TTN: variants seen among roughly 807,000 people sequenced by gnomAD.
TTN encodes connectin.
In TTN, 1,525 loss-of-function variants were observed where a neutral mutation model predicts 3,223.0. The observed-to-expected ratio is 0.47, with a 90% confidence interval of 0.45 to 0.49. The LOEUF (loss-of-function observed/expected upper bound fraction) is 0.49. Ranked by LOEUF, TTN falls within the 20% of genes least tolerant of loss-of-function variation. The pLI, the probability that TTN is intolerant of heterozygous loss-of-function variation, is 0.00. For missense variants in TTN, 40,786 were observed against 43,424.0 expected, an observed-to-expected ratio of 0.94 and a Z score of 5.40; for synonymous variants, 14,094 against 15,161.0, an observed-to-expected ratio of 0.93 and a Z score of 5.17.
At position 178,669,621 on chromosome 2, in the gene TTN, A is replaced by C; in HGVS notation, c.35441T>G (p.Leu11814Arg). 6.2e-7 allele frequency: 1 copy of C among 1,612,522 alleles called. No homozygotes were observed. The highest frequency in any genetic ancestry group is 1.1e-5 in the South Asian group (1 of 91,062). The change falls in exon 158 of 363, where the codon CTG becomes CGG. Residue 11814 changes from leucine (L) to arginine (R), a missense_variant. Transcript: ENST00000589042. ...AGCTGGTGGAACTTCAGGCTTTTTC[A>C]GAACAGCTTCACGAACTTTTTCTTC... ...VPEEKVREAV[L>R]KKPEVPPAKV...
intron 121 of TTN, among the ~76,000 whole-genome samples, chr2:178,691,650 C>T (rs2072483546): frequency 6.6e-6 from 1 of 152,202 alleles, no homozygotes; most frequent in Non-Finnish European, 1.5e-5. Flanking sequence ...ATGCATGAAA[C>T]TGCTTTTATT....
intron 47 of TTN, chr2:178,749,334 G>A: frequency 6.2e-7 from 1 of 1,612,660 alleles, no homozygotes; most frequent in African/African-American, 1.3e-5. Context: ...GCCTGACATT[G>A]TATGAATTCA....
intron 350 of TTN, 103 bp from the exon 351 acceptor site, chr2:178,540,473 A>G (rs540095933): frequency 7.1e-5 from 70 of 981,948 alleles, no homozygotes; most frequent in Non-Finnish European, 9.5e-5. Context: ...GACTGTTAAC[A>G]TTAGCCTGTT....
Position 178,601,716 on chromosome 2 carries a change from G to C in TTN, c.55374C>G (p.Ser18458Arg), listed in dbSNP as rs200550947. ...GTCCTGCTTTATTCTTGGCTGTGAT[G>C]CTGTATTTGCCTGTATGAGATCGTT... ...ECKRSHTGKY[S>R]ITAKNKAGQK... Residue 18458 changes from serine to arginine, a missense_variant, in exon 286 of 363, where the codon AGC becomes AGG. Physicochemically the swap from Ser to Arg is moderately radical, Grantham distance 110. Transcript: ENST00000589042. The C allele has an allele frequency of 6.4e-4, 1,031 of 1,610,360 alleles. 1 individual carries two copies. The highest frequency in any genetic ancestry group is 7.9e-4 in the Non-Finnish European group (932 of 1,178,738).
intron 7 of TTN, 120 bp from the exon 8 acceptor site, chr2:178,794,671 T>G: frequency 7.9e-7 from 1 of 1,259,842 alleles, no homozygotes; most frequent in South Asian, 1.2e-5. Context: ...AAGCATTTAT[T>G]ATTGCCAAGA....
rs368992068 is a variant in TTN at position 178,531,203 on chromosome 2, T to C, written c.105412A>G (p.Met35138Val). ...GCAGACTCGCCCTCGTAGACGGTCA[T>C]GGACCGTGGCTTTGTTAGAATTCTT... ...AARILTKPRS[M>V]TVYEGESARF... Residue 35138 changes from methionine (M) to valine (V), a missense_variant, in exon 358 of 363, where the codon ATG becomes GTG. Transcript: ENST00000589042. 9.9e-6 allele frequency: 16 copies of C among 1,613,882 alleles called. No homozygotes were observed. Among genetic ancestry groups the C allele is most frequent in the Admixed American group, 1.7e-5 (1 of 60,002 alleles).
rs1406233523 is a variant in TTN, at chr2:178,667,451, C to G, written c.35704G>C (p.Ala11902Pro). 7 of 1,600,758 alleles carry G rather than the reference C, an allele frequency of 4.4e-6. No homozygotes were observed. Among genetic ancestry groups the G allele is most frequent in the Non-Finnish European group, 6.0e-6 (7 of 1,176,458 alleles). ...TGTATTTGAAATATACCTTTAGTTG[C>G]TGGTGTTTCTCTCTTTTTAGGAATA... The part of the protein sequence containing the change: ...VTIPKKRETP[A>P]TKEPDTTRGI... The change falls in exon 161 of 363, where the codon GCA (alanine) becomes CCA (proline). Residue 11902 changes from alanine (A) to proline (P), a missense_variant. Ala to Pro is a conservative substitution (Grantham distance 27). Transcript: ENST00000589042.
At chr2:178,681,281 C>A in intron 137 of TTN, 95 bp downstream of exon 137, 1 of 1,437,422 alleles carries the variant, frequency 7.0e-7, no homozygotes, top group Non-Finnish European at 9.6e-7. Flanking sequence ...ACATCCTACT[C>A]AGCAAAAACA....
In TTN at chr2:178,757,769, A is replaced by T. The variant is rs757971157; in HGVS notation, c.10451T>A (p.Phe3484Tyr). The T allele has an allele frequency of 1.2e-6, 2 of 1,613,752 alleles. No individual in the cohort carries two copies. The highest frequency in any genetic ancestry group is 8.5e-7 in the Non-Finnish European group (1 of 1,179,718). ...LRVHNGETVRFHARVSGIPKP... is the reference protein window; with the variant it reads ...LRVHNGETVRYHARVSGIPKP... The stretch of plus-strand genomic sequence containing the variant: ...GGGAATGCCAGAAACCCTCGCATGA[A>T]ATCTGACTGTCTCCCCGTTGTGCAC... The change falls in exon 45 of 363, where the codon TTT becomes TAT. Residue 3484 changes from phenylalanine (F) to tyrosine (Y), a missense_variant. Physicochemically the swap from Phe to Tyr is conservative, Grantham distance 22. Coordinates refer to ENST00000589042, the MANE Select transcript of TTN (RefSeq NM_001267550.2).
At chr2:178,719,488 G>T (rs765023061) in intron 82 of TTN, 37 bp from the exon 83 acceptor site, 2 of 1,592,690 alleles carry the variant, frequency 1.3e-6, no homozygotes, top group Admixed American at 3.4e-5. Flanking sequence ...TTAAAGAGAA[G>T]TTTTATTCTG....
chr2:178,539,187 C>T lies in TTN; in HGVS notation c.98748G>A (p.Leu32916=). 1 of 1,613,792 alleles carries T rather than the reference C, an allele frequency of 6.2e-7. No individual in the cohort carries two copies. The highest frequency in any genetic ancestry group is 8.5e-7 in the Non-Finnish European group (1 of 1,179,764). Residue 32916 remains leucine (L), a synonymous_variant, in exon 353 of 363, where the codon TTG becomes TTA. Coordinates refer to ENST00000589042, the MANE Select transcript of TTN (RefSeq NM_001267550.2). ...CATCATCTTTGGGCCGGGACCAGGA[C>T]AAGCTAACAGAACTCTTGGTTACAT... ...VLDVTKSSVS[L]SWSRPKDDGG...
intron 113 of TTN, 115 bp from the exon 114 acceptor site, chr2:178,696,384 TTTG>T (rs1454194289): frequency 3.0e-6 from 3 of 996,758 alleles, no homozygotes; most frequent in East Asian, 2.8e-5. Flanking sequence ...TTATTGATAA[TTTG>T]TTTTTTTTTT....
rs1406149785 is a variant in TTN at position 178,723,854 on chromosome 2, A to AC, written c.21403+1dup. 6.2e-7 allele frequency: 1 copy of AC among 1,603,708 alleles called. No homozygotes were observed. Among genetic ancestry groups the AC allele is most frequent in the Non-Finnish European group, 8.5e-7 (1 of 1,172,798 alleles). On this transcript the variant is annotated splice_donor_variant, in intron 73 of 362. Transcript: ENST00000589042. LOFTEE classifies it high-confidence loss of function. ...TCCTTACAAGTTTGACTGTCTACTGACCTTGTACAGTTAGCACTGCACGAC... is the reference window on the plus strand; with the variant it reads ...TCCTTACAAGTTTGACTGTCTACTGACCCTTGTACAGTTAGCACTGCACGAC...
rs752825084 is a variant in TTN, at chr2:178,583,754, C to T, written c.65428G>A (p.Ala21810Thr). The T allele has an allele frequency of 6.2e-7, 1 of 1,611,810 alleles. No homozygotes were observed. Among genetic ancestry groups the T allele is most frequent in the Non-Finnish European group, 8.5e-7 (1 of 1,178,930 alleles). The change falls in exon 312 of 363, where the codon GCA becomes ACA. Residue 21810 changes from alanine (A) to threonine (T), a missense_variant. Ala to Thr is a moderately conservative substitution (Grantham distance 58). Transcript: ENST00000589042. ...PGDKWVRCNT[A>T]PHQIPQEEYT... Reference sequence around the variant, plus strand: ...TCTTCCTGGGGAATCTGGTGAGGTGCAGTATTGCACCGTACCCATTTATCA... The same window carrying T: ...TCTTCCTGGGGAATCTGGTGAGGTGTAGTATTGCACCGTACCCATTTATCA...
intron 54 of TTN, 46 bp downstream of exon 54, chr2:178,733,193 T>G: frequency 6.4e-7 from 1 of 1,556,380 alleles, no homozygotes; most frequent in Non-Finnish European, 8.7e-7. Context: ...AGGCCATTTG[T>G]TGGGTTTCAA....
Position 178,741,679 on chromosome 2 carries a change from G to A in TTN, c.11554C>T (p.Gln3852Ter). 1 of 1,613,810 alleles carries A rather than the reference G, an allele frequency of 6.2e-7. No homozygotes were observed. Among genetic ancestry groups the A allele is most frequent in the South Asian group, 1.1e-5 (1 of 91,082 alleles). Reference protein sequence around the residue: ...TVIGIPKPKIQWFFNGVLLTP... With the variant: ...TVIGIPKPKI ...AATAGCACTCCATTAAAGAACCACT[G>A]AATTTTAGGTTTGGGGATGCCAATG... Residue 3852 changes from glutamine to a stop codon, truncating the protein, a stop_gained, in exon 48 of 363, where the codon CAG (glutamine) becomes TAG (stop). Coordinates refer to ENST00000589042, the MANE Select transcript of TTN (RefSeq NM_001267550.2). LOFTEE classifies it high-confidence loss of function.
At chr2:178,799,784 A>G in intron 5 of TTN, 41 bp downstream of exon 5, 1 of 1,614,212 alleles carries the variant, frequency 6.2e-7, no homozygotes, top group South Asian at 1.1e-5. Context: ...TGGGGACGCA[A>G]CAGCCTGAAA....
chr2:178,530,492 T>C lies in TTN; in HGVS notation c.106123A>G (p.Met35375Val). 6.2e-7 allele frequency: 1 copy of C among 1,613,994 alleles called. No individual in the cohort carries two copies. The highest frequency in any genetic ancestry group is 8.5e-7 in the Non-Finnish European group (1 of 1,179,886). ...GGTSKTNLQF[M>V]GQAFKSIHEK... ...TGGATACTCTTAAAGGCTTGCCCCA[T>C]AAATTGTAAGTTGGTTTTAGACGTT... The change falls in exon 358 of 363, where the codon ATG becomes GTG. Residue 35375 changes from methionine to valine, a missense_variant. Coordinates refer to ENST00000589042, the MANE Select transcript of TTN (RefSeq NM_001267550.2).
At position 178,618,861 on chromosome 2, in the gene TTN, G is replaced by C. The variant is rs367548794; in HGVS notation, c.46697-8C>G. On this transcript the variant is annotated splice_polypyrimidine_tract_variant and splice_region_variant and intron_variant, in intron 250 of 362. Transcript: ENST00000589042. ...TCTTGATTTTTGGTGCAGCTAGTGA[G>C]AAAGATAACATGTGAACGCTTTCGA... The C allele has an allele frequency of 1.2e-6, 2 of 1,607,708 alleles. No individual in the cohort carries two copies. Among genetic ancestry groups the C allele is most frequent in the South Asian group, 2.2e-5 (2 of 90,268 alleles).
Sources: allele counts gnomAD v4.1 joint callset (sites outside exome capture counted in the v4.1 genomes callset), GRCh38; gene constraint gnomAD v4.1.1; transcripts MANE v1.5; gene names NCBI Gene and HGNC (gene_info 2026-07-23, HGNC 2026-07-21).